MARCHF7: variants seen among roughly 807,000 people sequenced by gnomAD.
The protein encoded by MARCHF7 is E3 ubiquitin-protein ligase MARCHF7.
In MARCHF7, 20 loss-of-function variants were observed where a neutral mutation model predicts 76.5. That is an observed-to-expected ratio of 0.26 (90% CI 0.18 to 0.38). The LOEUF is 0.38. Among genes scored for constraint, MARCHF7 ranks in the 10% least tolerant of loss-of-function variants. The pLI is 1.00. For missense variants in MARCHF7, 797 were observed against 812.9 expected, an observed-to-expected ratio of 0.98 and a Z score of 0.24; for synonymous variants, 295 against 293.0, an observed-to-expected ratio of 1.01 and a Z score of -0.07.
At chr2:159,724,839 A>C (rs891206941) in intron 3 of MARCHF7, among the ~76,000 whole-genome samples, 1 of 151,674 alleles carries the variant, frequency 6.6e-6, no homozygotes, top group Non-Finnish European at 1.5e-5. Flanking sequence ...CCCTCCCCCT[A>C]CCCTAAAACA....
chr2:159,725,619 A>G (rs1033075972), intron 3 of MARCHF7, among the ~76,000 whole-genome samples: 17 of 152,246 alleles, frequency 1.1e-4, no homozygotes, highest in African/African-American at 3.6e-4. Context: ...TTTTCTCCCA[A>G]TGAATGAATG....
At chr2:159,750,649 A>C (rs6432559) in intron 7 of MARCHF7, among the ~76,000 whole-genome samples, 52,341 of 152,090 alleles carry the variant, frequency 0.34, 9,214 homozygotes, top group South Asian at 0.44. Flanking sequence ...AGACAAAAAA[A>C]CAGAGATCTT....
At chr2:159,753,855 C>T (rs910700411) in intron 8 of MARCHF7, among the ~76,000 whole-genome samples, 2 of 152,012 alleles carry the variant, frequency 1.3e-5, no homozygotes, top group Non-Finnish European at 2.9e-5. Flanking sequence ...TAGGTAGGTT[C>T]TGTAAGACAT....
At chr2:159,729,542 A>T (rs1479110955) in intron 4 of MARCHF7, among the ~76,000 whole-genome samples, 1 of 152,030 alleles carries the variant, frequency 6.6e-6, no homozygotes, top group Admixed American at 6.6e-5. Context: ...ACATGGTGGC[A>T]CACACCTGTA....
chr2:159,753,868 A>T (rs1007566153), intron 8 of MARCHF7, among the ~76,000 whole-genome samples: 7 of 152,158 alleles, frequency 4.6e-5, no homozygotes, highest in African/African-American at 7.2e-5. Context: ...TAAGACATCC[A>T]GTTCAGTAAA....
intron 11 of MARCHF7, among the ~76,000 whole-genome samples, chr2:159,765,187 T>A (rs116286695): frequency 6.7e-6 from 1 of 148,454 alleles, no homozygotes; most frequent in African/African-American, 2.5e-5. Context: ...TTTTTTGTTG[T>A]TGGTGGTGGT....
At chr2:159,733,857 T>C (rs1309643051) in intron 4 of MARCHF7, 4 of 1,192,642 alleles carry the variant, frequency 3.4e-6, no homozygotes, top group Non-Finnish European at 4.2e-6. Context: ...TTATGTAATA[T>C]ACTTGAGCTT....
At chr2:159,758,442 T>C (rs1292186964) in intron 8 of MARCHF7, among the ~76,000 whole-genome samples, 1 of 152,192 alleles carries the variant, frequency 6.6e-6, no homozygotes, top group Non-Finnish European at 1.5e-5. Flanking sequence ...ATTTCCAAAA[T>C]TGTTTATCAT....
In MARCHF7 at chr2:159,745,873, A is replaced by C. The variant is rs144465829; in HGVS notation, c.450A>C (p.Thr150=). 107 of 1,613,092 alleles carry C rather than the reference A, an allele frequency of 6.6e-5. No individual in the cohort carries two copies. In the East Asian group the frequency reaches 1.7e-3, roughly 26 times the overall value. The part of the protein sequence containing the change: ...MRERRDLERR[T]DSSISNLMDY... ...AGAGGAGAGATTTGGAGAGAAGAAC[A>C]GATTCCTCTATTAGTAATCTTATGG... The change falls in exon 6 of 12, where the codon ACA becomes ACC. Residue 150 remains threonine, a synonymous_variant. Coordinates refer to ENST00000409175, the MANE Select transcript of MARCHF7 (RefSeq NM_001282805.2).
Position 159,748,114 on chromosome 2 carries a change from G to A in MARCHF7, c.824G>A (p.Gly275Asp). The change falls in exon 7 of 12, where the codon GGT becomes GAT. Residue 275 changes from glycine (G) to aspartate (D), a missense_variant. This residue lies in a region of MARCHF7 where 643 missense variants were observed against 631.5 expected (regional missense o/e 1.02). Coordinates refer to ENST00000409175, the MANE Select transcript of MARCHF7 (RefSeq NM_001282805.2). ...RPFQESSDNE[G>D]RRTTRRLLSR... Reference sequence around the variant, plus strand: ...TTTCAAGAATCTTCTGACAATGAAGGTAGGCGGACAACGAGGAGATTGCTG... The same window carrying A: ...TTTCAAGAATCTTCTGACAATGAAGATAGGCGGACAACGAGGAGATTGCTG... The A allele has an allele frequency of 6.2e-7, 1 of 1,613,924 alleles. No individual in the cohort carries two copies. The highest frequency in any genetic ancestry group is 8.5e-7 in the Non-Finnish European group (1 of 1,179,942).
chr2:159,732,926 CAAGATT>C (rs766408873), intron 4 of MARCHF7: 93 of 984,882 alleles, frequency 9.4e-5, no homozygotes, highest in Non-Finnish European at 1.1e-4. Flanking sequence ...GTAAGATGAA[CAAGATT>C]GTTCATCTTA....
Position 159,767,460 on chromosome 2 carries a change from A to ATTTT in MARCHF7, c.*118_*119insTTTT. On this transcript the variant is annotated 3_prime_UTR_variant, in exon 12 of 12. Transcript: ENST00000409175. Reference sequence around the variant, plus strand: ...AAATACATTGACTATATATAAAATGAATATATACATACACATGTATGCCTG... The same window carrying ATTTT: ...AAATACATTGACTATATATAAAATGATTTTATATATACATACACATGTATGCCTG... The ATTTT allele has an allele frequency of 1.5e-6, 1 of 650,942 alleles. No homozygotes were observed. The highest frequency in any genetic ancestry group is 2.7e-6 in the Non-Finnish European group (1 of 376,752). The allele number at this position is 650,942 out of a possible 1,614,324, so 40.3% of individuals were successfully genotyped here. A position where few individuals can be genotyped will look rare whatever the true frequency, so the allele number is the denominator to read the frequency against.
At chr2:159,757,447 T>G (rs1198846690) in intron 8 of MARCHF7, among the ~76,000 whole-genome samples, 2 of 152,224 alleles carry the variant, frequency 1.3e-5, no homozygotes, top group Admixed American at 1.3e-4. Context: ...AGTACAAGTT[T>G]AGGCAGATGC....
At position 159,762,954 on chromosome 2, in the gene MARCHF7, TATG is replaced by T. The variant is rs1707292941; in HGVS notation, c.1972_1974del (p.Met658del). ...ACTTGTGCGAACAAAGCTTTTCTGA[TATG>T]ATGGGAAATACAAATGAACCAAGCA... On this transcript the variant is annotated inframe_deletion, in exon 10 of 12. Transcript: ENST00000409175. The T allele has an allele frequency of 1.9e-6, 3 of 1,613,002 alleles. No homozygotes were observed. In the South Asian group the frequency reaches 3.3e-5, roughly 18 times the overall value.
intron 3 of MARCHF7, among the ~76,000 whole-genome samples, chr2:159,726,213 A>G (rs911445336): frequency 6.7e-6 from 1 of 149,566 alleles, no homozygotes; most frequent in Admixed American, 6.8e-5. Flanking sequence ...ACTGCTCCAG[A>G]TACAGGTTTT....
Position 159,743,206 on chromosome 2 carries a change from C to A in MARCHF7, c.299C>A (p.Thr100Asn). 6.2e-7 allele frequency: 1 copy of A among 1,614,034 alleles called. No individual in the cohort carries two copies. Among genetic ancestry groups the A allele is most frequent in the South Asian group, 1.1e-5 (1 of 91,058 alleles). Residue 100 changes from threonine (T) to asparagine (N), a missense_variant, in exon 5 of 12, where the codon ACT becomes AAT. Coordinates refer to ENST00000409175, the MANE Select transcript of MARCHF7 (RefSeq NM_001282805.2). Reference sequence around the variant, plus strand: ...CCTAAACTTTCCTGTACAAACTGTACTACCTCAGCTGGGAGAAATGTTGGA... The same window carrying A: ...CCTAAACTTTCCTGTACAAACTGTAATACCTCAGCTGGGAGAAATGTTGGA... ...KRPKLSCTNC[T>N]TSAGRNVGNG...
chr2:159,750,799 T>C (rs574402502), intron 7 of MARCHF7, among the ~76,000 whole-genome samples: 9 of 152,272 alleles, frequency 5.9e-5, no homozygotes, highest in African/African-American at 2.2e-4. Context: ...TTGTGGGATT[T>C]TTTTTTTCTT....
chr2:159,746,225 A>G (rs1234909162), intron 6 of MARCHF7, among the ~76,000 whole-genome samples: 1 of 152,176 alleles, frequency 6.6e-6, no homozygotes, highest in Non-Finnish European at 1.5e-5. Context: ...TATATCCTCA[A>G]ATAGAATTTG....
chr2:159,720,448 CA>C, intron 3 of MARCHF7, among the ~76,000 whole-genome samples: 1 of 152,148 alleles, frequency 6.6e-6, no homozygotes. Context: ...GCTCTTTTTG[CA>C]GTTTCCTGTT....
Sources: allele counts gnomAD v4.1 joint callset (sites outside exome capture counted in the v4.1 genomes callset), GRCh38; gene constraint gnomAD v4.1.1; regional missense constraint gnomAD v4.1.1; transcripts MANE v1.5; gene names NCBI Gene and HGNC (gene_info 2026-07-23, HGNC 2026-07-21).